RPN2: variants seen among roughly 807,000 people sequenced by gnomAD.
The protein encoded by RPN2 is dolichyl-diphosphooligosaccharide--protein glycosyltransferase subunit 2.
A neutral mutation model predicts 71.4 loss-of-function variants in RPN2; 29 were observed. That is an observed-to-expected ratio of 0.41 (90% confidence interval 0.30 to 0.55). The LOEUF is 0.55. Among genes scored for constraint, RPN2 ranks in the 20% least tolerant of loss-of-function variants. RPN2 has a pLI of 0.35. For synonymous variants in RPN2, 308 were observed against 305.0 expected (o/e 1.01, Z -0.10); for missense variants, 726 against 774.1 (o/e 0.94, Z 0.74).
intron 9 of RPN2, among the ~76,000 whole-genome samples, chr20:37,221,259 G>A (rs984080739): frequency 2.7e-5 from 4 of 147,286 alleles, no homozygotes; most frequent in Admixed American, 6.9e-5. Context: ...GCAGTGGCAT[G>A]ATCTTGGCTC....
At chr20:37,184,087 T>C (rs1329226914) in intron 1 of RPN2, 93 bp from the exon 2 acceptor site, 5 of 1,469,528 alleles carry the variant, frequency 3.4e-6, no homozygotes, top group Non-Finnish European at 4.8e-6. Context: ...CCCATGTGAT[T>C]TGGTTCCCAG....
chr20:37,207,356 A>C lies in RPN2; in HGVS notation c.774A>C (p.Ala258=). ...SLSEAFSVAS[A]AAVLSHNRYH... The stretch of plus-strand genomic sequence containing the variant: ...CCGAAGCCTTCAGCGTGGCCTCTGC[A>C]GCTGCTGTGCTCTCGCATAATCGCT... The change falls in exon 7 of 17, where the codon GCA becomes GCC. Residue 258 remains alanine, a synonymous_variant. Transcript: ENST00000237530. 1 of 1,614,112 alleles carries C rather than the reference A, an allele frequency of 6.2e-7. No homozygotes were observed. Among genetic ancestry groups the C allele is most frequent in the Non-Finnish European group, 8.5e-7 (1 of 1,179,910 alleles).
chr20:37,194,040 G>A lies in RPN2; in HGVS notation c.208-4357G>A, dbSNP rs1474373364. Among the ~76,000 whole-genome samples, 7 of 152,120 alleles carry A rather than the reference G, an allele frequency of 4.6e-5. No homozygotes were observed. The South Asian group carries it at 6.2e-4, about 14-fold the overall frequency. ...TGGCATCCCAGAAGGCTACGGGCGC[G>A]CATGTTTCCCAGTGAGGACGTGATC... is the stretch of plus-strand genomic sequence containing the variant. On this transcript the variant is annotated intron_variant, in intron 2 of 16. Coordinates refer to ENST00000237530, the MANE Select transcript of RPN2 (RefSeq NM_002951.5).
intron 15 of RPN2, among the ~76,000 whole-genome samples, chr20:37,234,414 G>A (rs1207310486): frequency 6.6e-6 from 1 of 152,204 alleles, no homozygotes; most frequent in Non-Finnish European, 1.5e-5. Flanking sequence ...CTTCCTGGAT[G>A]AAGAGCATTA....
At position 37,187,363 on chromosome 20, in the gene RPN2, G is replaced by A. The variant is rs1470481899; in HGVS notation, c.207+2990G>A. Among the ~76,000 whole-genome samples, 5 of 46,106 alleles carry A rather than the reference G, an allele frequency of 1.1e-4. 2 individuals are homozygous for A. In the South Asian group the frequency reaches 3.4e-3, roughly 31 times the overall value. The allele number at this position is 46,106 out of a possible 152,430, so 30.2% of individuals were successfully genotyped here. A position where few individuals can be genotyped will look rare whatever the true frequency, so the allele number is the denominator to read the frequency against. On this transcript the variant is annotated intron_variant, in intron 2 of 16. Coordinates refer to ENST00000237530, the MANE Select transcript of RPN2 (RefSeq NM_002951.5). The stretch of plus-strand genomic sequence containing the variant: ...TAAAAATACAAAAAATTAGCCGGGC[G>A]TAGTGGCGGGCGCCTGTAGTCCCAG...
intron 6 of RPN2, 142 bp from the exon 7 acceptor site, chr20:37,207,131 C>T (rs996793140): frequency 7.2e-6 from 5 of 691,278 alleles, no homozygotes; most frequent in Non-Finnish European, 1.3e-5. Flanking sequence ...TGCGTTTTCT[C>T]CATCTACGAA....
intron 1 of RPN2, among the ~76,000 whole-genome samples, chr20:37,181,254 G>T (rs1457048223): frequency 4.0e-5 from 6 of 151,580 alleles, no homozygotes; most frequent in Non-Finnish European, 5.9e-5. Flanking sequence ...CTTTCCAGTG[G>T]CTTCCACTAC....
chr20:37,198,735 G>A (rs2067312682), intron 3 of RPN2, among the ~76,000 whole-genome samples: 1 of 151,836 alleles, frequency 6.6e-6, no homozygotes, highest in Admixed American at 6.6e-5. Flanking sequence ...GGTAGGTCTT[G>A]ATTTTTTCCT....
chr20:37,236,483 C>T, intron 15 of RPN2, 97 bp from the exon 16 acceptor site: 1 of 1,334,170 alleles, frequency 7.5e-7, no homozygotes, highest in Non-Finnish European at 1.1e-6. Context: ...GAGTACAGAC[C>T]TTTTCATGAT....
In RPN2 at chr20:37,241,349, A is replaced by G. The variant is rs2068545028; in HGVS notation, c.*34A>G. On this transcript the variant is annotated 3_prime_UTR_variant, in exon 17 of 17. Coordinates refer to ENST00000237530, the MANE Select transcript of RPN2 (RefSeq NM_002951.5). Reference sequence around the variant, plus strand: ...GAAAGATGGAAATTCTGAAAACTGAATGTCAAGAAAAGGAGTCAAGAACAA... The same window carrying G: ...GAAAGATGGAAATTCTGAAAACTGAGTGTCAAGAAAAGGAGTCAAGAACAA... 1 of 1,610,490 alleles carries G rather than the reference A, an allele frequency of 6.2e-7. No homozygotes were observed. The highest frequency in any genetic ancestry group is 8.5e-7 in the Non-Finnish European group (1 of 1,177,746).
intron 10 of RPN2, among the ~76,000 whole-genome samples, 156 bp downstream of exon 10, chr20:37,224,125 C>T (rs775051918): frequency 7.2e-5 from 11 of 152,174 alleles, no homozygotes; most frequent in Non-Finnish European, 1.2e-4. Flanking sequence ...GGTCCTGCAC[C>T]GGGGATTCTG....
chr20:37,198,553 G>A, intron 3 of RPN2, 61 bp downstream of exon 3: 1 of 1,612,174 alleles, frequency 6.2e-7, no homozygotes, highest in Non-Finnish European at 8.5e-7. Flanking sequence ...TTTTAAAGGG[G>A]AGGAGTCATG....
intron 1 of RPN2, 140 bp downstream of exon 1, chr20:37,179,509 GGATC>G: frequency 7.4e-7 from 1 of 1,359,032 alleles, no homozygotes. Flanking sequence ...GGGCGCTCTC[GGATC>G]GAGGGTCCGA....
intron 6 of RPN2, 124 bp from the exon 7 acceptor site, chr20:37,207,149 C>T (rs1600785248): frequency 1.3e-6 from 1 of 757,650 alleles, no homozygotes; most frequent in Non-Finnish European, 2.4e-6. Flanking sequence ...GAATTTGGAT[C>T]ATTGACCAAA....
chr20:37,211,715 T>A (rs1314365556), intron 8 of RPN2, among the ~76,000 whole-genome samples: 2 of 151,694 alleles, frequency 1.3e-5, no homozygotes, highest in Non-Finnish European at 2.9e-5. Context: ...TTTATAGGAT[T>A]AAATATTCTT....
At chr20:37,186,009 G>A (rs909152232) in intron 2 of RPN2, among the ~76,000 whole-genome samples, 1 of 152,208 alleles carries the variant, frequency 6.6e-6, no homozygotes, top group Non-Finnish European at 1.5e-5. Context: ...CTTGCTAGCT[G>A]TCTGCTAGGA....
chr20:37,229,658 G>A (rs1377751030), intron 12 of RPN2, among the ~76,000 whole-genome samples: 1 of 152,118 alleles, frequency 6.6e-6, no homozygotes, highest in African/African-American at 2.4e-5. Context: ...ACACTTCCCA[G>A]GGACACCAAG....
chr20:37,201,845 ACTTGT>A (rs1421482092), intron 4 of RPN2, among the ~76,000 whole-genome samples: 1 of 152,214 alleles, frequency 6.6e-6, no homozygotes, highest in Non-Finnish European at 1.5e-5. Flanking sequence ...ATATTTGTAA[ACTTGT>A]CTTGAATGGA....
At position 37,184,216 on chromosome 20, in the gene RPN2, T is replaced by C. The variant is rs368292291; in HGVS notation, c.50T>C (p.Ile17Thr). Residue 17 changes from isoleucine to threonine, a missense_variant, in exon 2 of 17, where the codon ATA (isoleucine) becomes ACA (threonine). Coordinates refer to ENST00000237530, the MANE Select transcript of RPN2 (RefSeq NM_002951.5). ...GTCTTCCTGTTGGCCCTGACAATCA[T>C]AGCCAGCACCTGGGCTCTGACGCCC... The part of the protein sequence containing the change: ...STVFLLALTI[I>T]ASTWALTPTH... 1.2e-6 allele frequency: 2 copies of C among 1,614,100 alleles called. No homozygotes were observed. The highest frequency in any genetic ancestry group is 2.7e-5 in the African/African-American group (2 of 74,926).
Sources: gnomAD v4.1 joint callset for allele counts (sites outside exome capture counted in the v4.1 genomes callset) on GRCh38, gnomAD v4.1.1 for gene constraint, MANE v1.5 for transcripts, NCBI Gene and HGNC (gene_info 2026-07-23, HGNC 2026-07-21) for gene names.